The following XKR6 variants were observed in gnomAD, a reference collection of about 807,000 sequenced individuals.
The protein encoded by XKR6 is XK related 6, also known as XK-related protein 6.
XKR6 carries 22 observed loss-of-function variants against 56.7 expected under a neutral mutation model. That is an observed-to-expected ratio of 0.39 (90% CI 0.28 to 0.55). XKR6 has a LOEUF of 0.55. Among genes scored for constraint, XKR6 ranks in the 20% least tolerant of loss-of-function variants. The probability of loss-of-function intolerance (pLI) is 0.66; values close to 1 mark genes in which losing one functional copy is unlikely to be tolerated. For missense variants in XKR6, 852 were observed against 889.0 expected, an observed-to-expected ratio of 0.96 and a Z score of 0.53; for synonymous variants, 524 against 387.8, an observed-to-expected ratio of 1.35 and a Z score of -4.13.
intron 2 of XKR6, among the ~76,000 whole-genome samples, chr8:10,907,143 C>T (rs751333905): frequency 2.0e-5 from 3 of 152,056 alleles, no homozygotes; most frequent in South Asian, 2.1e-4. Flanking sequence ...AATATGTGGC[C>T]GAGGAGATCA....
At chr8:10,976,314 C>G (rs1414319371) in intron 1 of XKR6, among the ~76,000 whole-genome samples, 1 of 152,210 alleles carries the variant, frequency 6.6e-6, no homozygotes, top group Non-Finnish European at 1.5e-5. Context: ...GCAGGGTCCT[C>G]CTTCCTTCCC....
intron 1 of XKR6, among the ~76,000 whole-genome samples, chr8:11,159,059 ACTTAC>A (rs1801665230): frequency 2.0e-5 from 3 of 152,344 alleles, no homozygotes; most frequent in Admixed American, 1.3e-4. Flanking sequence ...TAGGCAAATT[ACTTAC>A]CTTCTTTAAG....
At chr8:11,040,634 G>A (rs1409737829) in intron 1 of XKR6, among the ~76,000 whole-genome samples, 2 of 152,184 alleles carry the variant, frequency 1.3e-5, no homozygotes, top group African/African-American at 2.4e-5. Flanking sequence ...CAGATTTGGT[G>A]TCTGGTGAGG....
rs149207130 is a variant in XKR6 at position 10,907,056 on chromosome 8, A to G, written c.962-8140T>C. 2.4e-3 allele frequency among the ~76,000 whole-genome samples: 367 copies of G among 152,274 alleles called. 2 individuals are homozygous for G. The highest frequency in any genetic ancestry group is 8.6e-3 in the African/African-American group (356 of 41,546). Reference sequence around the variant, plus strand: ...AGCAAGACTCCATCTCAGAAAAAAAAAAGAAAAAGAAGAAGAAGAAGGGTC... The same window carrying G: ...AGCAAGACTCCATCTCAGAAAAAAAGAAGAAAAAGAAGAAGAAGAAGGGTC... On this transcript the variant is annotated intron_variant, in intron 2 of 2. Transcript: ENST00000416569.
chr8:11,167,181 G>A (rs761745324), intron 1 of XKR6, among the ~76,000 whole-genome samples: 2 of 152,130 alleles, frequency 1.3e-5, no homozygotes, highest in African/African-American at 4.8e-5. Context: ...CCAACTGTCA[G>A]AACTAACTTT....
At chr8:10,904,877 G>A (rs1258568606) in intron 2 of XKR6, among the ~76,000 whole-genome samples, 1 of 152,192 alleles carries the variant, frequency 6.6e-6, no homozygotes, top group Non-Finnish European at 1.5e-5. Context: ...AATGGGAGGT[G>A]CAGGCCCAGC....
chr8:11,183,701 T>C (rs982831494), intron 1 of XKR6, among the ~76,000 whole-genome samples: 1 of 152,186 alleles, frequency 6.6e-6, no homozygotes. Flanking sequence ...GTTAACCAAT[T>C]CATTTTTTAT....
At chr8:11,107,198 T>A (rs1798711105) in intron 1 of XKR6, among the ~76,000 whole-genome samples, 1 of 139,470 alleles carries the variant, frequency 7.2e-6, no homozygotes, top group African/African-American at 3.4e-5. Context: ...ATTCCAATTT[T>A]TTTTTTTTTT....
chr8:11,121,506 A>G (rs968848472), intron 1 of XKR6, among the ~76,000 whole-genome samples: 3 of 152,210 alleles, frequency 2.0e-5, no homozygotes, highest in Non-Finnish European at 2.9e-5. Flanking sequence ...CACCTGTTAG[A>G]ATGGCGATCA....
intron 1 of XKR6, among the ~76,000 whole-genome samples, chr8:10,938,821 C>T (rs1801304546): frequency 6.6e-6 from 1 of 152,096 alleles, no homozygotes; most frequent in Non-Finnish European, 1.5e-5. Flanking sequence ...TCTACAAACA[C>T]ACATACAAGT....
chr8:11,037,231 C>CT (rs961212732), intron 1 of XKR6, among the ~76,000 whole-genome samples: 2 of 152,096 alleles, frequency 1.3e-5, no homozygotes, highest in South Asian at 2.1e-4. Context: ...AATTTTAATA[C>CT]TTTTTTCTTT....
chr8:11,088,800 G>T (rs1008270674), intron 1 of XKR6, among the ~76,000 whole-genome samples: 2 of 152,202 alleles, frequency 1.3e-5, no homozygotes, highest in Non-Finnish European at 2.9e-5. Context: ...AATGGTATCT[G>T]CCCTACAGTG....
chr8:11,048,479 T>C (rs544974423), intron 1 of XKR6, among the ~76,000 whole-genome samples: 6 of 152,162 alleles, frequency 3.9e-5, no homozygotes, highest in Admixed American at 2.0e-4. Context: ...TTAATATGTA[T>C]AGCAATACCA....
chr8:11,109,265 T>C (rs1024749103), intron 1 of XKR6: 3 of 152,238 alleles, frequency 2.0e-5, no homozygotes, highest in African/African-American at 7.2e-5. Flanking sequence ...ATTCATGCCA[T>C]CATCTCCACT....
intron 1 of XKR6, among the ~76,000 whole-genome samples, chr8:11,074,659 C>T (rs1367746789): frequency 6.6e-6 from 1 of 152,184 alleles, no homozygotes; most frequent in African/African-American, 2.4e-5. Context: ...GACATCACCC[C>T]TGCCCCAGGA....
At chr8:11,154,821 T>C (rs530359093) in intron 1 of XKR6, among the ~76,000 whole-genome samples, 3 of 152,330 alleles carry the variant, frequency 2.0e-5, no homozygotes, top group African/African-American at 7.2e-5. Context: ...CCTTGTCTTC[T>C]GTCCTCTTTT....
At position 10,897,760 on chromosome 8, in the gene XKR6, G is replaced by A. The variant is rs1484172509; in HGVS notation, c.*192C>T. On this transcript the variant is annotated 3_prime_UTR_variant, in exon 3 of 3. Coordinates refer to ENST00000416569, the MANE Select transcript of XKR6 (RefSeq NM_173683.4). The stretch of plus-strand genomic sequence containing the variant: ...TATCTTTGTATACATACAGCGACTG[G>A]AAAGAAAGCTTATTTGAAGGGGTTG... 14 of 604,266 alleles carry A rather than the reference G, an allele frequency of 2.3e-5. No individual in the cohort carries two copies. The highest frequency in any genetic ancestry group is 3.7e-5 in the Non-Finnish European group (14 of 382,624). The allele number at this position is 604,266 out of a possible 1,614,324, so 37.4% of individuals were successfully genotyped here. A position where few individuals can be genotyped will look rare whatever the true frequency, so the allele number is the denominator to read the frequency against.
At chr8:10,996,264 C>T (rs139772707) in intron 1 of XKR6, among the ~76,000 whole-genome samples, 1 of 152,162 alleles carries the variant, frequency 6.6e-6, no homozygotes, top group Non-Finnish European at 1.5e-5. Context: ...GTGTGTGGAA[C>T]AGTGGGCCCC....
rs558192828 is a variant in XKR6 at position 11,050,343 on chromosome 8, C to T, written c.765-125513G>A. Among the ~76,000 whole-genome samples the T allele has an allele frequency of 1.1e-4, 17 of 150,296 alleles. No homozygotes were observed. In the East Asian group the frequency reaches 3.3e-3, roughly 29 times the overall value. On this transcript the variant is annotated intron_variant, in intron 1 of 2. Transcript: ENST00000416569. ...AAGTCCTGGTTGGAGCGAGTCACTT[C>T]GTCCCTCCAAGCCCCACGATCTCCT...
Sources: gnomAD v4.1 joint callset for allele counts (sites outside exome capture counted in the v4.1 genomes callset) on GRCh38, gnomAD v4.1.1 for gene constraint, MANE v1.5 for transcripts, NCBI Gene and HGNC (gene_info 2026-07-23, HGNC 2026-07-21) for gene names.